Variants in COL8A1 observed in about 807,000 individuals in gnomAD.
The protein encoded by COL8A1 is collagen alpha-1(VIII) chain.
A neutral mutation model predicts 42.7 loss-of-function variants in COL8A1; 21 were observed. The observed-to-expected ratio is 0.49, with a 90% CI of 0.35 to 0.71. The LOEUF is 0.71. Among genes scored for constraint, COL8A1 ranks in the 30% least tolerant of loss-of-function variants. The pLI, the probability that COL8A1 is intolerant of heterozygous loss-of-function variation, is 0.01. For synonymous variants in COL8A1, 367 were observed against 369.1 expected, an observed-to-expected ratio of 0.99 and a Z score of 0.06; for missense variants, 788 against 962.4, an observed-to-expected ratio of 0.82 and a Z score of 2.40.
chr3:99,783,476 G>A (rs890216033), intron 2 of COL8A1, among the ~76,000 whole-genome samples: 1 of 152,226 alleles, frequency 6.6e-6, no homozygotes, highest in Non-Finnish European at 1.5e-5. Context: ...ACCAGTAAAT[G>A]TTCATTGGAT....
intron 1 of COL8A1, among the ~76,000 whole-genome samples, chr3:99,734,624 G>A (rs997076493): frequency 2.0e-5 from 3 of 152,002 alleles, no homozygotes; most frequent in African/African-American, 7.3e-5. Context: ...GATTGACTTG[G>A]CGATGCGGGC....
intron 1 of COL8A1, among the ~76,000 whole-genome samples, chr3:99,705,796 G>A (rs1424977153): frequency 1.3e-5 from 2 of 151,944 alleles, no homozygotes; most frequent in African/African-American, 4.8e-5. Context: ...ATATTTTTTG[G>A]GGGAGTCATA....
chr3:99,688,430 C>T (rs992238496), intron 1 of COL8A1, among the ~76,000 whole-genome samples: 1 of 152,162 alleles, frequency 6.6e-6, no homozygotes, highest in Non-Finnish European at 1.5e-5. Flanking sequence ...TCGTTCCAAC[C>T]TCTGCTTTCG....
At chr3:99,654,519 G>A (rs867693569) in intron 1 of COL8A1, among the ~76,000 whole-genome samples, 1 of 152,118 alleles carries the variant, frequency 6.6e-6, no homozygotes, top group Non-Finnish European at 1.5e-5. Context: ...TGGGAACATT[G>A]GCTCACACCT....
At chr3:99,687,411 T>C (rs1939095157) in intron 1 of COL8A1, among the ~76,000 whole-genome samples, 1 of 152,154 alleles carries the variant, frequency 6.6e-6, no homozygotes, top group Non-Finnish European at 1.5e-5. Context: ...AAATGTTACT[T>C]ATCCTTATCT....
chr3:99,792,088 A>C (rs906561829), intron 3 of COL8A1, among the ~76,000 whole-genome samples: 5 of 152,220 alleles, frequency 3.3e-5, no homozygotes, highest in African/African-American at 1.2e-4. Context: ...TCCTCAATAC[A>C]GTAACTACAC....
Position 99,686,456 on chromosome 3 carries a change from GT to G in COL8A1, c.-129+47793del, listed in dbSNP as rs201355665. Among the ~76,000 whole-genome samples, 285 of 152,278 alleles carry G rather than the reference GT, an allele frequency of 1.9e-3. 7 individuals carry two copies. The East Asian group carries it at 0.032, about 17-fold the overall frequency. On this transcript the variant is annotated intron_variant, in intron 1 of 3. Transcript: ENST00000652472. ...AAGGAGGAAAGACCCTGGGGAGAGG[GT>G]CTTATGAAAACCAGAAGTCAAAGAA...
intron 1 of COL8A1, among the ~76,000 whole-genome samples, chr3:99,684,027 C>T (rs932125765): frequency 9.9e-5 from 15 of 152,242 alleles, no homozygotes; most frequent in Middle Eastern, 3.4e-3. Context: ...CTGTTCAGAG[C>T]GGTCAAGCAG....
At chr3:99,786,889 G>T (rs1470412964) in intron 2 of COL8A1, among the ~76,000 whole-genome samples, 1 of 152,238 alleles carries the variant, frequency 6.6e-6, no homozygotes, top group East Asian at 1.9e-4. Flanking sequence ...ACTGGAAGAG[G>T]ATTCTGCCTG....
chr3:99,640,863 C>T (rs926258280), intron 1 of COL8A1, among the ~76,000 whole-genome samples: 4 of 152,092 alleles, frequency 2.6e-5, no homozygotes, highest in African/African-American at 7.2e-5. Context: ...CTCTTTTTGC[C>T]ATTATATAGC....
chr3:99,665,057 C>T (rs932826978), intron 1 of COL8A1, among the ~76,000 whole-genome samples: 2 of 152,236 alleles, frequency 1.3e-5, no homozygotes, highest in African/African-American at 4.8e-5. Context: ...CACACATCCT[C>T]ATCACATCCA....
intron 2 of COL8A1, among the ~76,000 whole-genome samples, chr3:99,758,562 A>G (rs1415419660): frequency 2.0e-5 from 3 of 152,182 alleles, no homozygotes; most frequent in Admixed American, 2.0e-4. Context: ...GCTGTTCATT[A>G]GGACTGTGGT....
intron 1 of COL8A1, among the ~76,000 whole-genome samples, chr3:99,720,572 T>C (rs1367052712): frequency 1.3e-5 from 2 of 152,154 alleles, no homozygotes; most frequent in Non-Finnish European, 2.9e-5. Context: ...CTCAATAGGA[T>C]ATTTCAAGGG....
intron 2 of COL8A1, among the ~76,000 whole-genome samples, chr3:99,778,422 T>C (rs1346635917): frequency 1.3e-5 from 2 of 152,200 alleles, no homozygotes; most frequent in African/African-American, 4.8e-5. Context: ...AAGTCTTAAA[T>C]TGCATATTCA....
chr3:99,648,041 T>C (rs966853245), intron 1 of COL8A1, among the ~76,000 whole-genome samples: 3 of 152,158 alleles, frequency 2.0e-5, no homozygotes, highest in African/African-American at 7.2e-5. Flanking sequence ...TTCAAACACA[T>C]CATTAATGGT....
At position 99,695,639 on chromosome 3, in the gene COL8A1, T is replaced by C. The variant is rs541410195; in HGVS notation, c.-128-49258T>C. Among the ~76,000 whole-genome samples the C allele has an allele frequency of 1.4e-3, 206 of 152,270 alleles. 1 individual carries two copies. The highest frequency in any genetic ancestry group is 2.5e-3 in the Non-Finnish European group (169 of 68,012). On this transcript the variant is annotated intron_variant, in intron 1 of 3. Transcript: ENST00000652472. ...TTCTCTTTTCCTGCTTTTCCGGTCCTCTCTCCCTCCTACTTTTCTTTCTAT... is the reference window on the plus strand; with the variant it reads ...TTCTCTTTTCCTGCTTTTCCGGTCCCCTCTCCCTCCTACTTTTCTTTCTAT...
intron 1 of COL8A1, among the ~76,000 whole-genome samples, chr3:99,649,515 T>G (rs1937770107): frequency 6.6e-6 from 1 of 152,220 alleles, no homozygotes; most frequent in Admixed American, 6.5e-5. Context: ...AGCCTTGATG[T>G]GATTGGGGTA....
At position 99,750,542 on chromosome 3, in the gene COL8A1, C is replaced by T. The variant is rs528350968; in HGVS notation, c.-4+5521C>T. Among the ~76,000 whole-genome samples the T allele has an allele frequency of 3.9e-5, 6 of 152,148 alleles. No individual in the cohort carries two copies. The East Asian group carries it at 1.2e-3, about 29-fold the overall frequency. On this transcript the variant is annotated intron_variant, in intron 2 of 3. Transcript: ENST00000652472. ...AAAATATTGTAATTGACTCCAAAAT[C>T]GATAGGTGATAAAGACAAAATTGTC... is the stretch of plus-strand genomic sequence containing the variant.
chr3:99,673,868 G>A (rs913965807), intron 1 of COL8A1, among the ~76,000 whole-genome samples: 1 of 151,940 alleles, frequency 6.6e-6, no homozygotes, highest in African/African-American at 2.4e-5. Context: ...TGAACAATAA[G>A]GATGATGATG....
Sources: gnomAD v4.1 joint callset for allele counts (sites outside exome capture counted in the v4.1 genomes callset) on GRCh38, gnomAD v4.1.1 for gene constraint, MANE v1.5 for transcripts, NCBI Gene and HGNC (gene_info 2026-07-23, HGNC 2026-07-21) for gene names.